BICDL1: variants seen among roughly 807,000 people sequenced by gnomAD.
BICDL1 encodes BICD family-like cargo adapter 1.
BICDL1 carries 20 observed loss-of-function variants against 76.8 expected under a neutral mutation model. The observed-to-expected ratio is 0.26, with a 90% CI of 0.18 to 0.38. The LOEUF (loss-of-function observed/expected upper bound fraction) is 0.38. Ranked by LOEUF, BICDL1 falls within the 10% of genes least tolerant of loss-of-function variation. The pLI is 1.00. For synonymous variants in BICDL1, 383 were observed against 337.1 expected (o/e 1.14, Z -1.49); for missense variants, 700 against 798.6 (o/e 0.88, Z 1.49).
At chr12:120,078,835 C>A (rs1278570312) in intron 7 of BICDL1, among the ~76,000 whole-genome samples, 22 of 152,260 alleles carry the variant, frequency 1.4e-4, no homozygotes, top group Admixed American at 1.4e-3. Flanking sequence ...ACTCTGCTGG[C>A]AGAATGTCCG....
At position 119,989,821 on chromosome 12, in the gene BICDL1, G is replaced by C; in HGVS notation, c.-48G>C. On this transcript the variant is annotated 5_prime_UTR_variant, in exon 1 of 10. Transcript: ENST00000548673. ...CAGGGCCCCTCCCCCCTGCAGCCTG[G>C]CGCGCGCGGGCCGGGCCGCACCGCT... The C allele has an allele frequency of 9.6e-7, 1 of 1,044,066 alleles. No individual in the cohort carries two copies. Among genetic ancestry groups the C allele is most frequent in the Non-Finnish European group, 1.2e-6 (1 of 852,616 alleles). 64.7% of individuals were successfully genotyped at this position (1,044,066 alleles called of 1,614,324 possible).
Position 120,050,626 on chromosome 12 carries a change from C to A in BICDL1, c.646-11084C>A, listed in dbSNP as rs560733011. 1.4e-4 allele frequency among the ~76,000 whole-genome samples: 21 copies of A among 151,150 alleles called. No individual in the cohort carries two copies. In the South Asian group the frequency reaches 4.0e-3, roughly 29 times the overall value. On this transcript the variant is annotated intron_variant, in intron 2 of 9. Transcript: ENST00000548673. Reference sequence around the variant, plus strand: ...TAGAAGTCTTTAATTTTGATACTACCCATTGGGTTTTGTGACATTTTTTGT... The same window carrying A: ...TAGAAGTCTTTAATTTTGATACTACACATTGGGTTTTGTGACATTTTTTGT...
intron 8 of BICDL1, among the ~76,000 whole-genome samples, chr12:120,085,799 C>CAAAAA (rs35399078): frequency 3.2e-4 from 22 of 69,690 alleles, no homozygotes; most frequent in African/African-American, 1.0e-3. Context: ...GATCCTGCCT[C>CAAAAA]AAAAAAAAAA....
At chr12:120,062,892 C>T (rs186358681) in intron 3 of BICDL1, among the ~76,000 whole-genome samples, 2 of 152,240 alleles carry the variant, frequency 1.3e-5, no homozygotes, top group Admixed American at 6.5e-5. Context: ...TTTCCTCACC[C>T]GTTCATTTTT....
chr12:120,026,401 A>C (rs1483407403), intron 2 of BICDL1, among the ~76,000 whole-genome samples: 1 of 152,160 alleles, frequency 6.6e-6, no homozygotes, highest in Non-Finnish European at 1.5e-5. Context: ...TGTAGGCTTA[A>C]GTTTTCTTCC....
chr12:120,078,119 T>C (rs552704775), intron 7 of BICDL1, among the ~76,000 whole-genome samples: 1 of 152,306 alleles, frequency 6.6e-6, no homozygotes, highest in East Asian at 1.9e-4. Context: ...CTCCATGCTA[T>C]TCAGCCTTCA....
rs556817481 is a variant in BICDL1 at position 120,077,507 on chromosome 12, C to A, written c.1452+2921C>A. Among the ~76,000 whole-genome samples, 34 of 152,294 alleles carry A rather than the reference C, an allele frequency of 2.2e-4. 1 individual carries two copies. In the South Asian group the frequency reaches 5.4e-3, roughly 24 times the overall value. On this transcript the variant is annotated intron_variant, in intron 7 of 9. Transcript: ENST00000548673. The stretch of plus-strand genomic sequence containing the variant: ...TGAGGCCCTCAGCCAGTTCTCAGGC[C>A]TGTCACCCAGGTGGCAGGAGGCTCA...
rs749213137 is a variant in BICDL1 at position 120,094,237 on chromosome 12, C to T, written c.*1076C>T. On this transcript the variant is annotated 3_prime_UTR_variant, in exon 10 of 10. Transcript: ENST00000548673. ...CAGAGGCTCCGCGGCCCGGCCAGCC[C>T]TCAGCTGCTCACAACCGATTCAGTC... 2 of 456,656 alleles carry T rather than the reference C, an allele frequency of 4.4e-6. No individual in the cohort carries two copies. Among genetic ancestry groups the T allele is most frequent in the South Asian group, 1.5e-5 (1 of 64,580 alleles). The allele number at this position is 456,656 out of a possible 1,614,324, so 28.3% of individuals were successfully genotyped here.
chr12:120,031,581 A>G (rs915926642), intron 2 of BICDL1, among the ~76,000 whole-genome samples: 2 of 152,182 alleles, frequency 1.3e-5, no homozygotes, highest in African/African-American at 4.8e-5. Context: ...AGATATCAGT[A>G]TACTTTATTC....
In BICDL1 at chr12:119,990,102, C is replaced by G. The variant is rs1240003653; in HGVS notation, c.234C>G (p.Ala78=). The part of the protein sequence containing the change: ...RPSDPGEHPQ[A]EPGSLAEGAG... ...CCGACCCCGGGGAACACCCTCAGGC[C>G]GAGCCTGGGTCTCTGGCCGAGGGGG... The change falls in exon 1 of 10, where the codon GCC becomes GCG. Residue 78 remains alanine (A), a synonymous_variant. Transcript: ENST00000548673. The G allele has an allele frequency of 3.2e-6, 5 of 1,549,074 alleles. No individual in the cohort carries two copies. The highest frequency in any genetic ancestry group is 2.4e-5 in the South Asian group (2 of 83,998).
chr12:120,016,579 G>A (rs1952067155), intron 2 of BICDL1, among the ~76,000 whole-genome samples: 1 of 150,752 alleles, frequency 6.6e-6, no homozygotes, highest in Non-Finnish European at 1.5e-5. Context: ...GTGCCACCAT[G>A]CCCAGCTAAT....
At chr12:120,032,410 G>A (rs1453474659) in intron 2 of BICDL1, among the ~76,000 whole-genome samples, 1 of 152,186 alleles carries the variant, frequency 6.6e-6, no homozygotes, top group Non-Finnish European at 1.5e-5. Context: ...TGACTGGTGG[G>A]TTAAAGAATT....
chr12:120,030,931 G>A (rs1952409876), intron 2 of BICDL1, among the ~76,000 whole-genome samples: 2 of 152,104 alleles, frequency 1.3e-5, no homozygotes, highest in Admixed American at 1.3e-4. Flanking sequence ...CCTTGGACTT[G>A]ACCAAATTTC....
chr12:120,007,748 C>G (rs1419374544), intron 2 of BICDL1, among the ~76,000 whole-genome samples: 1 of 152,214 alleles, frequency 6.6e-6, no homozygotes, highest in Non-Finnish European at 1.5e-5. Context: ...TGGTACACTT[C>G]TTGAAGCACA....
At chr12:120,070,834 C>T (rs374748117) in intron 4 of BICDL1, among the ~76,000 whole-genome samples, 4 of 151,458 alleles carry the variant, frequency 2.6e-5, no homozygotes, top group Admixed American at 6.6e-5. Flanking sequence ...TGGGTTCAAG[C>T]GATTCTCCTG....
In BICDL1 at chr12:120,049,660, T is replaced by A. The variant is rs529021383; in HGVS notation, c.646-12050T>A. Among the ~76,000 whole-genome samples the A allele has an allele frequency of 1.5e-4, 23 of 152,342 alleles. 1 individual carries two copies. The South Asian group carries it at 4.8e-3, about 32-fold the overall frequency. On this transcript the variant is annotated intron_variant, in intron 2 of 9. Coordinates refer to ENST00000548673, the MANE Select transcript of BICDL1 (RefSeq NM_001367886.1). Reference sequence around the variant, plus strand: ...ATTGTTAGGAGATTATCAGCCATTATCTCATCAAGTATTGCCTCGGTCCCA... The same window carrying A: ...ATTGTTAGGAGATTATCAGCCATTAACTCATCAAGTATTGCCTCGGTCCCA...
At chr12:119,992,304 T>C (rs1951540527) in intron 1 of BICDL1, 1 of 152,210 alleles carries the variant, frequency 6.6e-6, no homozygotes, top group South Asian at 2.1e-4. Flanking sequence ...ACACCTCCGG[T>C]TTAGTTTTCC....
chr12:120,055,463 G>A (rs956700406), intron 2 of BICDL1, among the ~76,000 whole-genome samples: 10 of 152,146 alleles, frequency 6.6e-5, no homozygotes, highest in African/African-American at 2.4e-4. Flanking sequence ...GAAGTAATCT[G>A]TCCTAGATGG....
chr12:120,081,723 A>G (rs570141898), intron 8 of BICDL1, among the ~76,000 whole-genome samples: 1 of 148,546 alleles, frequency 6.7e-6, no homozygotes, highest in Non-Finnish European at 1.5e-5. Flanking sequence ...CTATTTTTTT[A>G]TTATGGACAT....
Sources: allele counts gnomAD v4.1 joint callset (sites outside exome capture counted in the v4.1 genomes callset), GRCh38; gene constraint gnomAD v4.1.1; transcripts MANE v1.5; gene names NCBI Gene and HGNC (gene_info 2026-07-23, HGNC 2026-07-21).